The following DST variants were observed in gnomAD, a reference collection of about 807,000 sequenced individuals.
DST encodes bullous pemphigoid antigen.
In DST, 253 loss-of-function variants were observed where a neutral mutation model predicts 875.2. The ratio of observed to expected loss-of-function variants is 0.29; its 90% CI spans 0.26 to 0.32. DST has a LOEUF of 0.32. Ranked by LOEUF, DST falls within the 10% of genes least tolerant of loss-of-function variation. DST has a pLI of 1.00. For missense variants in DST, 8,287 were observed against 9,111.6 expected (o/e 0.91, Z 3.68); for synonymous variants, 3,124 against 3,197.1 (o/e 0.98, Z 0.77).
intron 3 of DST, among the ~76,000 whole-genome samples, chr6:56,895,035 C>A (rs1197678663): frequency 2.7e-5 from 3 of 112,220 alleles, no homozygotes; most frequent in African/African-American, 9.1e-5. Context: ...GGGGGGTTGA[C>A]CCCCCACCTC....
Position 56,645,345 on chromosome 6 carries a change from C to T in DST, c.1778+521G>A, listed in dbSNP as rs141043712. ...TAGTGAGAGACAAAATGACAGAGAA[C>T]TAGTGATGATTTCATGGAGTAAATC... On this transcript the variant is annotated intron_variant, in intron 15 of 103. Coordinates refer to ENST00000680361, the MANE Select transcript of DST (RefSeq NM_001374736.1). 2.6e-3 allele frequency among the ~76,000 whole-genome samples: 399 copies of T among 152,292 alleles called. 1 individual carries two copies. Among genetic ancestry groups the T allele is most frequent in the Middle Eastern group, 0.01 (3 of 294 alleles).
intron 3 of DST, among the ~76,000 whole-genome samples, chr6:56,872,906 A>G (rs1478863379): frequency 1.7e-5 from 2 of 115,074 alleles, no homozygotes; most frequent in Non-Finnish European, 3.3e-5. Context: ...TTCTATTTTT[A>G]GTTTTTTGAG....
intron 4 of DST, among the ~76,000 whole-genome samples, chr6:56,797,546 A>G (rs2099741376): frequency 6.6e-6 from 1 of 152,098 alleles, no homozygotes; most frequent in African/African-American, 2.4e-5. Flanking sequence ...CAAAAGTGCT[A>G]CTCCAGGCTG....
chr6:56,503,185 A>C (rs999886691), intron 78 of DST, among the ~76,000 whole-genome samples: 3 of 152,116 alleles, frequency 2.0e-5, no homozygotes, highest in African/African-American at 7.2e-5. Context: ...TGGGTATAAA[A>C]AAATAGAAAG....
chr6:56,800,567 T>C (rs2099745479), intron 4 of DST, among the ~76,000 whole-genome samples: 1 of 152,116 alleles, frequency 6.6e-6, no homozygotes, highest in Non-Finnish European at 1.5e-5. Flanking sequence ...AGAATCTGCC[T>C]CTCTCTAGAA....
intron 36 of DST, chr6:56,619,127 G>C (rs1053689304): frequency 9.3e-6 from 15 of 1,613,230 alleles, no homozygotes; most frequent in Non-Finnish European, 1.3e-5. Context: ...CTCTGTTTTT[G>C]TCTGTTTATG....
chr6:56,573,885 C>A lies in DST; in HGVS notation c.13030G>T (p.Asp4344Tyr). The A allele has an allele frequency of 6.2e-7, 1 of 1,610,514 alleles. No individual in the cohort carries two copies. The highest frequency in any genetic ancestry group is 1.1e-5 in the South Asian group (1 of 90,764). The change falls in exon 51 of 104, where the codon GAC becomes TAC. Residue 4344 changes from aspartate to tyrosine, a missense_variant and splice_region_variant. Asp to Tyr is a radical substitution (Grantham distance 160). This residue lies in a region of DST where 1,513 missense variants were observed against 1,677.8 expected (regional missense o/e 0.90). Transcript: ENST00000680361. ...AKNDIQKTLD[D>Y]IVGRYEDLSK... The stretch of plus-strand genomic sequence containing the variant: ...AGATCCTCATATCTCCCAACAATGT[C>A]ATCTACTCCAAACAGATCAGGAATA...
At chr6:56,835,321 C>T (rs2099792298) in intron 4 of DST, among the ~76,000 whole-genome samples, 3 of 152,056 alleles carry the variant, frequency 2.0e-5, no homozygotes, top group Admixed American at 2.0e-4. Context: ...CAAAGGAAAC[C>T]CTAATGTAAA....
chr6:56,462,944 T>C, intron 102 of DST, 102 bp downstream of exon 102: 1 of 630,184 alleles, frequency 1.6e-6, no homozygotes, highest in Non-Finnish European at 2.8e-6. Context: ...AGACATAGGG[T>C]TAGCAAAGTA....
intron 55 of DST, among the ~76,000 whole-genome samples, chr6:56,566,745 C>T (rs936324929): frequency 5.3e-5 from 8 of 152,078 alleles, no homozygotes; most frequent in Admixed American, 1.3e-4. Context: ...TTGAACAATG[C>T]ATACATGACT....
chr6:56,478,057 CA>C (rs34310283), intron 90 of DST, among the ~76,000 whole-genome samples: 48,189 of 151,688 alleles, frequency 0.32, 7,893 homozygotes, highest in Middle Eastern at 0.44. Flanking sequence ...CTGTATTATA[CA>C]AAAAAATAAC....
At chr6:56,577,950 A>G (rs1454609261) in intron 50 of DST, among the ~76,000 whole-genome samples, 1 of 152,046 alleles carries the variant, frequency 6.6e-6, no homozygotes, top group African/African-American at 2.4e-5. Context: ...ATCCTCCCCA[A>G]ATGTTGGGAT....
At position 56,600,130 on chromosome 6, in the gene DST, T is replaced by C. The variant is rs758320382; in HGVS notation, c.11633A>G (p.Gln3878Arg). The C allele has an allele frequency of 6.2e-7, 1 of 1,613,166 alleles. No individual in the cohort carries two copies. The highest frequency in any genetic ancestry group is 2.2e-5 in the East Asian group (1 of 44,866). Reference protein sequence around the residue: ...TQTENRLIGHQEAFMIGDGTV... With the variant: ...TQTENRLIGHREAFMIGDGTV... Reference sequence around the variant, plus strand: ...GCCATCTCCAATCATGAAGGCTTCTTGGTGACCAATTAGGCGGTTTTCAGT... The same window carrying C: ...GCCATCTCCAATCATGAAGGCTTCTCGGTGACCAATTAGGCGGTTTTCAGT... Residue 3878 changes from glutamine (Q) to arginine (R), a missense_variant, in exon 45 of 104, where the codon CAA (glutamine) becomes CGA (arginine). Physicochemically the swap from Gln to Arg is conservative, Grantham distance 43. Around this residue, in one of 10 missense-constraint regions of DST, gnomAD observed 3,138 missense variants for 3,116.6 expected, o/e 1.01. Transcript: ENST00000680361.
chr6:56,617,985 C>A (rs1330945347), intron 36 of DST: 3 of 1,611,916 alleles, frequency 1.9e-6, no homozygotes, highest in Non-Finnish European at 2.5e-6. Flanking sequence ...ACAGAGTATA[C>A]CTCTAAGGGT....
At chr6:56,835,300 G>C (rs372339200) in intron 4 of DST, among the ~76,000 whole-genome samples, 1 of 152,060 alleles carries the variant, frequency 6.6e-6, no homozygotes, top group Non-Finnish European at 1.5e-5. Flanking sequence ...AACCTATATA[G>C]AACTGTACAA....
Position 56,506,687 on chromosome 6 carries a change from C to A in DST, c.19342G>T (p.Val6448Phe), listed in dbSNP as rs1562435495. 1 of 1,613,636 alleles carries A rather than the reference C, an allele frequency of 6.2e-7. No homozygotes were observed. Among genetic ancestry groups the A allele is most frequent in the East Asian group, 2.2e-5 (1 of 44,864 alleles). Residue 6448 changes from valine to phenylalanine, a missense_variant, in exon 76 of 104, where the codon GTC becomes TTC. Val to Phe is a conservative substitution (Grantham distance 50, BLOSUM62 -1). This residue lies in a region of DST where 1,292 missense variants were observed against 1,552.7 expected (regional missense o/e 0.83). Transcript: ENST00000680361. The stretch of plus-strand genomic sequence containing the variant: ...TGTACCTCATCTATACTCTTCTTGA[C>A]AATGGGTTTATCAGGCTCCCCACAT... ...AACGEPDKPI[V>F]KKSIDELNSA...
At chr6:56,920,727 CTT>C (rs1201574608) in intron 2 of DST, among the ~76,000 whole-genome samples, 30 of 124,164 alleles carry the variant, frequency 2.4e-4, no homozygotes, top group Admixed American at 4.2e-4. Context: ...TTCTTTCTTC[CTT>C]TTTTTTTTTT....
intron 49 of DST, among the ~76,000 whole-genome samples, chr6:56,583,611 T>C (rs2098076742): frequency 6.6e-6 from 1 of 152,222 alleles, no homozygotes; most frequent in Non-Finnish European, 1.5e-5. Context: ...TTAGATCCCA[T>C]TTGTCAATTT....
intron 2 of DST, 21 bp downstream of exon 2, chr6:56,953,764 C>G: frequency 1.5e-6 from 2 of 1,310,694 alleles, no homozygotes; most frequent in Non-Finnish European, 2.0e-6. Context: ...TGACCTTGAG[C>G]GTGCGCGCTA....
Sources: allele counts gnomAD v4.1 joint callset (sites outside exome capture counted in the v4.1 genomes callset), GRCh38; gene constraint gnomAD v4.1.1; regional missense constraint gnomAD v4.1.1; transcripts MANE v1.5; gene names NCBI Gene and HGNC (gene_info 2026-07-23, HGNC 2026-07-21).